SYT14: variants seen among roughly 807,000 people sequenced by gnomAD.
The protein encoded by SYT14 is synaptotagmin-14.
SYT14 carries 32 observed loss-of-function variants against 74.2 expected under a neutral mutation model. The observed-to-expected ratio is 0.43, with a 90% CI of 0.33 to 0.58. The LOEUF is 0.58. Among genes scored for constraint, SYT14 ranks in the 20% least tolerant of loss-of-function variants. The pLI, the probability that SYT14 is intolerant of heterozygous loss-of-function variation, is 0.05. For missense variants in SYT14, 791 were observed against 981.8 expected, an observed-to-expected ratio of 0.81 and a Z score of 2.60; for synonymous variants, 298 against 337.7, an observed-to-expected ratio of 0.88 and a Z score of 1.29.
intron 1 of SYT14, 33 bp downstream of exon 1, chr1:209,938,310 C>G: frequency 5.2e-6 from 8 of 1,542,782 alleles, no homozygotes; most frequent in Non-Finnish European, 7.0e-6. Flanking sequence ...GAGCGAGGAC[C>G]GGGACCACCC....
intron 7 of SYT14, among the ~76,000 whole-genome samples, chr1:210,148,266 T>C (rs2083082307): frequency 6.6e-6 from 1 of 152,122 alleles, no homozygotes; most frequent in Admixed American, 6.5e-5. Flanking sequence ...CCCAGCACTT[T>C]GGGAGGCCGA....
intron 4 of SYT14, among the ~76,000 whole-genome samples, chr1:210,019,575 G>T (rs547301673): frequency 2.6e-5 from 4 of 152,282 alleles, no homozygotes; most frequent in East Asian, 3.9e-4. Flanking sequence ...TATGACATTG[G>T]TGATGGCGTT....
intron 4 of SYT14, among the ~76,000 whole-genome samples, chr1:210,018,277 G>A (rs2080229177): frequency 6.6e-6 from 1 of 152,158 alleles, no homozygotes; most frequent in African/African-American, 2.4e-5. Context: ...GGGACTACAG[G>A]CACGCACCAC....
intron 2 of SYT14, among the ~76,000 whole-genome samples, chr1:210,000,541 G>A (rs996310321): frequency 1.4e-5 from 2 of 147,046 alleles, no homozygotes; most frequent in African/African-American, 2.5e-5. Flanking sequence ...TGCTTTTATC[G>A]AATTTAATTT....
exon 10 of SYT14, chr1:210,169,122 T>C (rs552943262): frequency 5.9e-5 from 9 of 151,882 alleles, no homozygotes; most frequent in African/African-American, 2.2e-4. Flanking sequence ...AAATTTCACA[T>C]GTTGCTGTAA....
At chr1:210,012,984 G>A (rs866107871) in intron 2 of SYT14, among the ~76,000 whole-genome samples, 1 of 151,946 alleles carries the variant, frequency 6.6e-6, no homozygotes, top group Non-Finnish European at 1.5e-5. Flanking sequence ...TTGCAGGCAT[G>A]AGCCACCACG....
chr1:209,986,743 C>G (rs956062204), intron 2 of SYT14, among the ~76,000 whole-genome samples: 9 of 152,128 alleles, frequency 5.9e-5, no homozygotes, highest in African/African-American at 1.9e-4. Context: ...CCTGCCTCAG[C>G]CTTCTGAGTA....
chr1:210,115,478 C>A (rs1558199198), intron 7 of SYT14, among the ~76,000 whole-genome samples: 1 of 151,332 alleles, frequency 6.6e-6, no homozygotes, highest in African/African-American at 2.5e-5. Context: ...GGCGTCCCCG[C>A]AGTGATTAAA....
At chr1:210,008,941 T>G (rs2080037725) in intron 2 of SYT14, among the ~76,000 whole-genome samples, 1 of 152,182 alleles carries the variant, frequency 6.6e-6, no homozygotes, top group Admixed American at 6.5e-5. Context: ...GTGTCCAATC[T>G]TTTGGCTTCC....
At chr1:210,146,361 T>A (rs560945666) in intron 7 of SYT14, among the ~76,000 whole-genome samples, 1 of 152,230 alleles carries the variant, frequency 6.6e-6, no homozygotes, top group South Asian at 2.1e-4. Flanking sequence ...GTATATGGCC[T>A]ATTTATTATT....
At chr1:210,162,070 TCTTA>T (rs2083384142) in exon 10 of SYT14, 2 of 440,554 alleles carry the variant, frequency 4.5e-6, no homozygotes, top group Non-Finnish European at 9.1e-6. Flanking sequence ...AAATCTTCAC[TCTTA>T]CTTCAATTTA....
At chr1:209,966,735 A>G (rs2079163880) in intron 2 of SYT14, among the ~76,000 whole-genome samples, 1 of 152,202 alleles carries the variant, frequency 6.6e-6, no homozygotes, top group African/African-American at 2.4e-5. Flanking sequence ...TGTAGATTCT[A>G]AAGAAATATT....
chr1:210,093,813 A>G (rs1260383476), intron 5 of SYT14, among the ~76,000 whole-genome samples: 1 of 152,180 alleles, frequency 6.6e-6, no homozygotes, highest in Non-Finnish European at 1.5e-5. Flanking sequence ...ATGTAGAAAA[A>G]CATTTCTGAC....
chr1:210,095,199 A>C (rs151278403), intron 6 of SYT14, among the ~76,000 whole-genome samples: 1 of 152,328 alleles, frequency 6.6e-6, no homozygotes, highest in African/African-American at 2.4e-5. Flanking sequence ...AATTTGTTTT[A>C]ATGTTTCTGT....
At chr1:209,988,042 C>A (rs1483713111) in intron 2 of SYT14, among the ~76,000 whole-genome samples, 1 of 151,996 alleles carries the variant, frequency 6.6e-6, no homozygotes, top group African/African-American at 2.4e-5. Flanking sequence ...CAAATGTTTT[C>A]TTGATTTCTT....
intron 2 of SYT14, among the ~76,000 whole-genome samples, chr1:210,007,803 CATAGATTT>C (rs1388380671): frequency 6.6e-6 from 1 of 152,126 alleles, no homozygotes; most frequent in African/African-American, 2.4e-5. Flanking sequence ...TCTACCACTT[CATAGATTT>C]GTGAACTTGG....
exon 10 of SYT14, chr1:210,167,861 C>A (rs1470532673): frequency 6.6e-6 from 1 of 152,014 alleles, no homozygotes; most frequent in East Asian, 1.9e-4. Context: ...CTTTTTTCCC[C>A]ACTCTTATTC....
chr1:209,962,434 T>C (rs1447665669), intron 2 of SYT14, among the ~76,000 whole-genome samples: 1 of 152,002 alleles, frequency 6.6e-6, no homozygotes, highest in Non-Finnish European at 1.5e-5. Flanking sequence ...TGTGAATTTA[T>C]AGAGCCTCGG....
intron 5 of SYT14, among the ~76,000 whole-genome samples, chr1:210,036,143 A>G (rs2080657325): frequency 6.6e-6 from 1 of 151,662 alleles, no homozygotes; most frequent in South Asian, 2.1e-4. Flanking sequence ...ATGTAGTACT[A>G]GGTGTTTTTT....
Sources: allele counts gnomAD v4.1 joint callset (sites outside exome capture counted in the v4.1 genomes callset), GRCh38; gene constraint gnomAD v4.1.1; transcripts MANE v1.5; gene names NCBI Gene and HGNC (gene_info 2026-07-23, HGNC 2026-07-21).